Variants in LMO3 observed in about 807,000 individuals in gnomAD.
The protein encoded by LMO3 is LIM domain only protein 3.
A neutral mutation model predicts 15.8 loss-of-function variants in LMO3; 2 were observed. The observed-to-expected ratio is 0.13, with a 90% CI of 0.05 to 0.40. The LOEUF (loss-of-function observed/expected upper bound fraction) is 0.40, where lower values mean the gene tolerates loss of function less well. LMO3 is among the 10% of genes least tolerant of loss of function. The probability of loss-of-function intolerance (pLI) is 0.99; values close to 1 mark genes in which losing one functional copy is unlikely to be tolerated. For synonymous variants in LMO3, 62 were observed against 63.8 expected, an observed-to-expected ratio of 0.97 and a Z score of 0.13; for missense variants, 86 against 182.2, an observed-to-expected ratio of 0.47 and a Z score of 3.04.
At chr12:16,556,555 T>A (rs1434848486) in intron 3 of LMO3, among the ~76,000 whole-genome samples, 4 of 152,198 alleles carry the variant, frequency 2.6e-5, no homozygotes, top group African/African-American at 9.7e-5. Flanking sequence ...CACAAACGCG[T>A]AATTCCACAA....
intron 3 of LMO3, among the ~76,000 whole-genome samples, chr12:16,558,683 C>T (rs968630422): frequency 2.0e-5 from 3 of 152,042 alleles, no homozygotes; most frequent in African/African-American, 7.2e-5. Flanking sequence ...ACATGACTGT[C>T]TGGGTAACTA....
In LMO3 at chr12:16,587,969, A is replaced by G. The variant is rs774451036; in HGVS notation, c.206+12686T>C. Among the ~76,000 whole-genome samples the G allele has an allele frequency of 6.6e-6, 1 of 152,124 alleles. No homozygotes were observed. The highest frequency in any genetic ancestry group is 1.5e-5 in the Non-Finnish European group (1 of 68,008). The stretch of plus-strand genomic sequence containing the variant: ...ACAAGGAATATTAATTCATGCTTAA[A>G]AAGTCCCTTTCTTTCAGATAATTAC... On this transcript the variant is annotated intron_variant, in intron 2 of 3. Coordinates refer to ENST00000537304, the MANE Select transcript of LMO3 (RefSeq NM_018640.5). The surrounding 1 kb of genome is among the most constrained non-coding windows in gnomAD (Gnocchi z 4.3).
Position 16,604,557 on chromosome 12 carries a change from G to T in LMO3, c.-9+1509C>A. On this transcript the variant is annotated intron_variant, in intron 1 of 3. Transcript: ENST00000537304. This position sits in a 1 kb window ranked among gnomAD's most constrained non-coding sequence, Gnocchi z 5.3. The stretch of plus-strand genomic sequence containing the variant: ...AGTTCAATTTTGATGCAGCTCACAT[G>T]CAAAATAAAAAAAAAAAATAAGAAA... 3.2e-6 allele frequency: 1 copy of T among 316,538 alleles called. No individual in the cohort carries two copies. Among genetic ancestry groups the T allele is most frequent in the Non-Finnish European group, 5.7e-6 (1 of 174,482 alleles). 19.6% of individuals were successfully genotyped at this position (316,538 alleles called of 1,614,324 possible).
chr12:16,553,193 G>T (rs892326706), intron 3 of LMO3, among the ~76,000 whole-genome samples: 5 of 152,008 alleles, frequency 3.3e-5, no homozygotes, highest in African/African-American at 1.2e-4. Context: ...TTTTACAGAA[G>T]AAAAACCTAA....
At position 16,587,017 on chromosome 12, in the gene LMO3, C is replaced by T. The variant is rs1943343083; in HGVS notation, c.206+13638G>A. ...ATTCTGTACTCCTCTAAAAATCCAA[C>T]ATATCTCGTCACATCTCATATTTGG... On this transcript the variant is annotated intron_variant, in intron 2 of 3. Transcript: ENST00000537304. This position sits in a 1 kb window ranked among gnomAD's most constrained non-coding sequence, Gnocchi z 4.3. 6.6e-6 allele frequency among the ~76,000 whole-genome samples: 1 copy of T among 152,180 alleles called. No individual in the cohort carries two copies. Among genetic ancestry groups the T allele is most frequent in the African/African-American group, 2.4e-5 (1 of 41,448 alleles).
rs1943766358 is a variant in LMO3 at position 16,599,859 on chromosome 12, G to A, written c.206+796C>T. On this transcript the variant is annotated intron_variant, in intron 2 of 3. Transcript: ENST00000537304. The surrounding 1 kb of genome is among the most constrained non-coding windows in gnomAD (Gnocchi z 4.1). ...CCTGAAAGCATTCAGATGTTTACAG[G>A]TTGGAGAGTGGCTGTCATTTTCCTA... is the stretch of plus-strand genomic sequence containing the variant. The A allele has an allele frequency of 6.6e-6, 1 of 152,136 alleles. No individual in the cohort carries two copies. Among genetic ancestry groups the A allele is most frequent in the African/African-American group, 2.4e-5 (1 of 41,440 alleles). 9.4% of individuals were successfully genotyped at this position (152,136 alleles called of 1,614,324 possible). A position where few individuals can be genotyped will look rare whatever the true frequency, so the allele number is the denominator to read the frequency against.
rs903050376 is a variant in LMO3 at position 16,593,946 on chromosome 12, G to A, written c.206+6709C>T. The stretch of plus-strand genomic sequence containing the variant: ...AGAACAGGCAGTATCAAACTCCCTC[G>A]GAGCTAAGAAAAACAGAATTAGATA... On this transcript the variant is annotated intron_variant, in intron 2 of 3. Coordinates refer to ENST00000537304, the MANE Select transcript of LMO3 (RefSeq NM_018640.5). This position sits in a 1 kb window ranked among gnomAD's most constrained non-coding sequence, Gnocchi z 4.2. Among the ~76,000 whole-genome samples, 5 of 151,696 alleles carry A rather than the reference G, an allele frequency of 3.3e-5. No homozygotes were observed. Among genetic ancestry groups the A allele is most frequent in the South Asian group, 2.1e-4 (1 of 4,820 alleles).
intron 2 of LMO3, among the ~76,000 whole-genome samples, chr12:16,581,723 C>CT (rs971435953): frequency 2.6e-5 from 4 of 151,738 alleles, no homozygotes; most frequent in African/African-American, 4.8e-5. Flanking sequence ...AAATAGAGGA[C>CT]TTTTTTTTCA....
intron 2 of LMO3, chr12:16,600,429 T>G (rs1048437061): frequency 1.9e-6 from 1 of 521,052 alleles, no homozygotes; most frequent in Non-Finnish European, 3.4e-6. Context: ...TGCCTGAGTG[T>G]GCAGGCAAGC....
rs938888573 is a variant in LMO3 at position 16,576,120 on chromosome 12, T to G, written c.207-15582A>C. On this transcript the variant is annotated intron_variant, in intron 2 of 3. Coordinates refer to ENST00000537304, the MANE Select transcript of LMO3 (RefSeq NM_018640.5). This position sits in a 1 kb window ranked among gnomAD's most constrained non-coding sequence, Gnocchi z 4.1. ...TGCACTCATACTACAACCTCCCAGCTGAACATCTTTCCACCAGCCTGCCCT... is the reference window on the plus strand; with the variant it reads ...TGCACTCATACTACAACCTCCCAGCGGAACATCTTTCCACCAGCCTGCCCT... Among the ~76,000 whole-genome samples the G allele has an allele frequency of 2.6e-5, 4 of 152,166 alleles. No individual in the cohort carries two copies. The highest frequency in any genetic ancestry group is 9.7e-5 in the African/African-American group (4 of 41,446).
At position 16,559,708 on chromosome 12, in the gene LMO3, T is replaced by G. The variant is rs1206560622; in HGVS notation, c.332+705A>C. 6.6e-6 allele frequency among the ~76,000 whole-genome samples: 1 copy of G among 151,808 alleles called. No individual in the cohort carries two copies. Among genetic ancestry groups the G allele is most frequent in the African/African-American group, 2.4e-5 (1 of 41,282 alleles). On this transcript the variant is annotated intron_variant, in intron 3 of 3. Coordinates refer to ENST00000537304, the MANE Select transcript of LMO3 (RefSeq NM_018640.5). The surrounding 1 kb of genome is among the most constrained non-coding windows in gnomAD (Gnocchi z 4.1). ...GCTCATGCCTATAATCCCTGCACTT[T>G]GGGAGGTGGAGGTGGGAGGATTGCT...
intron 2 of LMO3, among the ~76,000 whole-genome samples, chr12:16,580,842 G>A (rs1943137705): frequency 1.3e-5 from 2 of 152,044 alleles, no homozygotes. Context: ...TGCAATAAAA[G>A]CTTTTATTAA....
intron 2 of LMO3, among the ~76,000 whole-genome samples, chr12:16,569,030 GCCCCA>G: frequency 6.6e-6 from 1 of 152,068 alleles, no homozygotes; most frequent in Non-Finnish European, 1.5e-5. Context: ...AGATGACAAT[GCCCCA>G]CCTATTGTTC....
chr12:16,598,808 T>C lies in LMO3; in HGVS notation c.206+1847A>G. On this transcript the variant is annotated intron_variant, in intron 2 of 3. Coordinates refer to ENST00000537304, the MANE Select transcript of LMO3 (RefSeq NM_018640.5). The surrounding 1 kb of genome is among the most constrained non-coding windows in gnomAD (Gnocchi z 4.3). ...TATACTCACAATATAGGTATTTCCTTGGCAAATTTTTATTTTTGTTTTCAA... is the reference window on the plus strand; with the variant it reads ...TATACTCACAATATAGGTATTTCCTCGGCAAATTTTTATTTTTGTTTTCAA... The C allele has an allele frequency of 5.4e-6, 1 of 186,546 alleles. No individual in the cohort carries two copies. The highest frequency in any genetic ancestry group is 9.1e-5 in the South Asian group (1 of 10,974). The allele number at this position is 186,546 out of a possible 1,614,324, so 11.6% of individuals were successfully genotyped here.
At chr12:16,562,690 T>C (rs1565485642) in intron 2 of LMO3, among the ~76,000 whole-genome samples, 1 of 152,222 alleles carries the variant, frequency 6.6e-6, no homozygotes, top group Non-Finnish European at 1.5e-5. Flanking sequence ...CTGAGCTGCC[T>C]GCTATACTGT....
chr12:16,552,964 G>T (rs1942047432), intron 3 of LMO3, among the ~76,000 whole-genome samples: 2 of 152,052 alleles, frequency 1.3e-5, no homozygotes, highest in Admixed American at 1.3e-4. Flanking sequence ...TATGATAATT[G>T]AAAATAAAAC....
At chr12:16,552,253 T>C (rs933033265) in intron 3 of LMO3, among the ~76,000 whole-genome samples, 8 of 152,028 alleles carry the variant, frequency 5.3e-5, no homozygotes, top group African/African-American at 1.7e-4. Flanking sequence ...ATTGTAACAA[T>C]TTAACCTTCA....
chr12:16,560,272 G>A lies in LMO3; in HGVS notation c.332+141C>T, dbSNP rs1032778215. The A allele has an allele frequency of 8.4e-6, 7 of 836,194 alleles. No individual in the cohort carries two copies. Among genetic ancestry groups the A allele is most frequent in the African/African-American group, 1.7e-5 (1 of 57,996 alleles). The allele number at this position is 836,194 out of a possible 1,614,324, so 51.8% of individuals were successfully genotyped here. On this transcript the variant is annotated intron_variant, in intron 3 of 3. Transcript: ENST00000537304. The surrounding 1 kb of genome is among the most constrained non-coding windows in gnomAD (Gnocchi z 5.0). ...TTCTTCTCCTTAGTAGCTTGTCTCTGGCATGGGATTAAAGTTTACAGAACA... is the reference window on the plus strand; with the variant it reads ...TTCTTCTCCTTAGTAGCTTGTCTCTAGCATGGGATTAAAGTTTACAGAACA...
chr12:16,557,488 CA>C (rs1295108325), intron 3 of LMO3, among the ~76,000 whole-genome samples: 2 of 151,520 alleles, frequency 1.3e-5, no homozygotes, highest in African/African-American at 4.8e-5. Context: ...GATCATTAAG[CA>C]ATGTACAGCA....
Sources: allele counts gnomAD v4.1 joint callset (sites outside exome capture counted in the v4.1 genomes callset), GRCh38; gene constraint gnomAD v4.1.1; non-coding constraint Gnocchi (gnomAD v3.1); transcripts MANE v1.5; gene names NCBI Gene and HGNC (gene_info 2026-07-23, HGNC 2026-07-21).